The following CXCL9 variants were observed in gnomAD, a reference collection of about 807,000 sequenced individuals.
CXCL9 encodes the protein C-X-C motif chemokine ligand 9.
In CXCL9, 8 loss-of-function variants were observed where a neutral mutation model predicts 11.7. The ratio of observed to expected loss-of-function variants is 0.68; its 90% CI spans 0.40 to 1.23. The LOEUF (loss-of-function observed/expected upper bound fraction) is 1.23, where lower values mean the gene tolerates loss of function less well. Among genes scored for constraint, CXCL9 ranks in the 50% most tolerant of loss-of-function variants. CXCL9 has a pLI of 0.01. For missense variants in CXCL9, 133 were observed against 141.7 expected (o/e 0.94, Z 0.31); for synonymous variants, 43 against 48.2 (o/e 0.89, Z 0.45).
chr4:76,003,681 G>T lies in CXCL9; in HGVS notation c.295C>A (p.Gln99Lys), dbSNP rs1225432426. 1.2e-6 allele frequency: 2 copies of T among 1,608,848 alleles called. No homozygotes were observed. Among genetic ancestry groups the T allele is most frequent in the African/African-American group, 1.3e-5 (1 of 74,806 alleles). Residue 99 changes from glutamine to lysine, a missense_variant, in exon 4 of 4, where the codon CAA becomes AAA. Transcript: ENST00000264888. The stretch of plus-strand genomic sequence containing the variant: ...TTTTGATGTTTTTTCCCATTCTTTT[G>T]CTTTTTCTTTTGGCTGACCTGTGAG... ...WEKQVSQKKK[Q>K]KNGKKHQKKK...
chr4:76,004,754 T>TTA, intron 3 of CXCL9, 55 bp downstream of exon 3: 1 of 1,567,760 alleles, frequency 6.4e-7, no homozygotes, highest in Non-Finnish European at 8.6e-7. Context: ...AGATTCTTTG[T>TTA]CTTCTAAAGT....
In CXCL9 at chr4:76,006,170, A is replaced by G. The variant is rs1347830978; in HGVS notation, c.169T>C (p.Ser57Pro). Residue 57 changes from serine to proline, a missense_variant, in exon 2 of 4, where the codon TCC (serine) becomes CCC (proline). By Grantham distance (74) the Ser-to-Pro change is moderately conservative. Transcript: ENST00000264888. Reference sequence around the variant, plus strand: ...TACATGATTTCAATTTTCTCGCAGGAAGGGCTTGGGGCAAATTGTTTAAGG... The same window carrying G: ...TACATGATTTCAATTTTCTCGCAGGGAGGGCTTGGGGCAAATTGTTTAAGG... ...KDLKQFAPSPSCEKIEIIATL... is the reference protein window; with the variant it reads ...KDLKQFAPSPPCEKIEIIATL... 4.3e-6 allele frequency: 7 copies of G among 1,613,486 alleles called. No individual in the cohort carries two copies. In the Admixed American group the frequency reaches 8.3e-5, roughly 19 times the overall value.
In CXCL9 at chr4:76,002,221, G is replaced by A; in HGVS notation, c.*1377C>T. The A allele has an allele frequency of 2.5e-6, 1 of 398,200 alleles. No individual in the cohort carries two copies. Among genetic ancestry groups the A allele is most frequent in the Non-Finnish European group, 4.4e-6 (1 of 225,882 alleles). The allele number at this position is 398,200 out of a possible 1,614,324, so 24.7% of individuals were successfully genotyped here. On this transcript the variant is annotated 3_prime_UTR_variant, in exon 4 of 4. Transcript: ENST00000264888. ...GGAATTTTTGTATGGTTGGGAAAAG[G>A]TTGGTCACTGGCTGATCTATAAAGT...
In CXCL9 at chr4:76,002,618, C is replaced by T; in HGVS notation, c.*980G>A. On this transcript the variant is annotated 3_prime_UTR_variant, in exon 4 of 4. Coordinates refer to ENST00000264888, the MANE Select transcript of CXCL9 (RefSeq NM_002416.3). ...GGAAATATACTGTGGCTCTTGCCCTCAAGGAGCTGACAATCTGGTTGGAGA... is the reference window on the plus strand; with the variant it reads ...GGAAATATACTGTGGCTCTTGCCCTTAAGGAGCTGACAATCTGGTTGGAGA... 1 of 356,616 alleles carries T rather than the reference C, an allele frequency of 2.8e-6. No homozygotes were observed. Among genetic ancestry groups the T allele is most frequent in the East Asian group, 4.1e-5 (1 of 24,422 alleles). 22.1% of individuals were successfully genotyped at this position (356,616 alleles called of 1,614,324 possible). A position where few individuals can be genotyped will look rare whatever the true frequency, so the allele number is the denominator to read the frequency against.
At position 76,007,366 on chromosome 4, in the gene CXCL9, C is replaced by A. The variant is rs1464448952; in HGVS notation, c.64+20G>T. ...GTGAATCACTTCTCTTACTTTACAA[C>A]CTAACTCAGAACCCCTTACCTTGCA... is the stretch of plus-strand genomic sequence containing the variant. On this transcript the variant is annotated intron_variant, in intron 1 of 3. Transcript: ENST00000264888. The A allele has an allele frequency of 1.4e-6, 2 of 1,419,610 alleles. No individual in the cohort carries two copies. Among genetic ancestry groups the A allele is most frequent in the Non-Finnish European group, 2.0e-6 (2 of 1,002,536 alleles). 87.9% of individuals were successfully genotyped at this position (1,419,610 alleles called of 1,614,324 possible).
chr4:76,006,900 C>T (rs888113428), intron 1 of CXCL9, among the ~76,000 whole-genome samples: 7 of 152,140 alleles, frequency 4.6e-5, no homozygotes, highest in Admixed American at 3.9e-4. Context: ...ATATGCCATA[C>T]ATTGTGTAGC....
Position 76,006,188 on chromosome 4 carries a change from G to A in CXCL9, c.151C>T (p.Gln51Ter), listed in dbSNP as rs761169708. Residue 51 changes from glutamine to a stop codon, truncating the protein, a stop_gained, in exon 2 of 4, where the codon CAA becomes TAA. Coordinates refer to ENST00000264888, the MANE Select transcript of CXCL9 (RefSeq NM_002416.3). LOFTEE classifies it high-confidence loss of function. ...TCGCAGGAAGGGCTTGGGGCAAATTGTTTAAGGTCTTTCAAGGATTGTAGG... is the reference window on the plus strand; with the variant it reads ...TCGCAGGAAGGGCTTGGGGCAAATTATTTAAGGTCTTTCAAGGATTGTAGG... ...IHLQSLKDLK[Q>*]FAPSPSCEKI... The A allele has an allele frequency of 2.4e-5, 38 of 1,613,628 alleles. No individual in the cohort carries two copies. Among genetic ancestry groups the A allele is most frequent in the Non-Finnish European group, 3.1e-5 (36 of 1,179,712 alleles).
chr4:76,004,591 C>G (rs1731548106), intron 3 of CXCL9, among the ~76,000 whole-genome samples: 1 of 152,114 alleles, frequency 6.6e-6, no homozygotes, highest in African/African-American at 2.4e-5. Context: ...GCTCTGTACC[C>G]CCAAGGAACA....
rs1731553700 is a variant in CXCL9, at chr4:76,004,828, A to G, written c.257T>C (p.Ile86Thr). The G allele has an allele frequency of 1.2e-6, 2 of 1,604,220 alleles. No individual in the cohort carries two copies. The highest frequency in any genetic ancestry group is 2.3e-5 in the South Asian group (2 of 88,054). Residue 86 changes from isoleucine (I) to threonine (T), a missense_variant, in exon 3 of 4, where the codon ATT (isoleucine) becomes ACT (threonine). Transcript: ENST00000264888. The part of the protein sequence containing the change: ...NPDSADVKEL[I>T]KKWEKQVSQK... ...ACCAACCTGTTTCTCCCACTTTTTA[A>G]TCAGTTCCTTCACATCTGCTGAATC...
intron 1 of CXCL9, 21 bp from the exon 2 acceptor site, chr4:76,006,295 G>T (rs759263637): frequency 6.2e-7 from 1 of 1,611,538 alleles, no homozygotes; most frequent in Non-Finnish European, 8.5e-7. Flanking sequence ...GAAAAAGATA[G>T]AACACATCAG....
At position 76,003,541 on chromosome 4, in the gene CXCL9, C is replaced by A; in HGVS notation, c.*57G>T. The stretch of plus-strand genomic sequence containing the variant: ...ATGCCATCCTCCTTTGGAATGATAG[C>A]GGTATAATTAAAATAGAACATTTTT... On this transcript the variant is annotated 3_prime_UTR_variant, in exon 4 of 4. Coordinates refer to ENST00000264888, the MANE Select transcript of CXCL9 (RefSeq NM_002416.3). 1.0e-6 allele frequency: 1 copy of A among 956,438 alleles called. No individual in the cohort carries two copies. The highest frequency in any genetic ancestry group is 1.7e-6 in the Non-Finnish European group (1 of 599,640). The allele number at this position is 956,438 out of a possible 1,614,324, so 59.2% of individuals were successfully genotyped here. A position where few individuals can be genotyped will look rare whatever the true frequency, so the allele number is the denominator to read the frequency against.
chr4:76,003,583 T>C lies in CXCL9; in HGVS notation c.*15A>G. On this transcript the variant is annotated 3_prime_UTR_variant, in exon 4 of 4. Transcript: ENST00000264888. ...AACATTTTTAACACAGAATACTTAT[T>C]GGTGAAGTGGTCTCTTATGTAGTCT... 7.2e-7 allele frequency: 1 copy of C among 1,390,838 alleles called. No homozygotes were observed. 86.2% of individuals were successfully genotyped at this position (1,390,838 alleles called of 1,614,324 possible). A position where few individuals can be genotyped will look rare whatever the true frequency, so the allele number is the denominator to read the frequency against.
intron 3 of CXCL9, among the ~76,000 whole-genome samples, chr4:76,004,173 C>T (rs373523757): frequency 3.3e-5 from 5 of 152,136 alleles, no homozygotes; most frequent in South Asian, 2.1e-4. Context: ...GGATTCCTCC[C>T]GCTTTGTCCT....
intron 2 of CXCL9, 71 bp downstream of exon 2, chr4:76,006,076 AG>A: frequency 2.1e-6 from 3 of 1,439,318 alleles, no homozygotes; most frequent in Non-Finnish European, 2.9e-6. Context: ...AAGCACTCCA[AG>A]GGTAAAACTC....
At chr4:76,006,106 T>C in intron 2 of CXCL9, 42 bp downstream of exon 2, 1 of 1,589,712 alleles carries the variant, frequency 6.3e-7, no homozygotes, top group Non-Finnish European at 8.6e-7. Context: ...TTTAATGTTC[T>C]TGCCAATATG....
At position 76,002,032 on chromosome 4, in the gene CXCL9, A is replaced by T. The variant is rs1220811780; in HGVS notation, c.*1566T>A. 2 of 327,914 alleles carry T rather than the reference A, an allele frequency of 6.1e-6. No individual in the cohort carries two copies. Among genetic ancestry groups the T allele is most frequent in the Non-Finnish European group, 5.5e-6 (1 of 182,148 alleles). 20.3% of individuals were successfully genotyped at this position (327,914 alleles called of 1,614,324 possible). Reference sequence around the variant, plus strand: ...CTTCACCGTTCCCTTTCTTCATGGGAGATGGTGTGGTAATTGATAATCACA... The same window carrying T: ...CTTCACCGTTCCCTTTCTTCATGGGTGATGGTGTGGTAATTGATAATCACA... On this transcript the variant is annotated 3_prime_UTR_variant, in exon 4 of 4. Transcript: ENST00000264888.
At chr4:76,006,592 A>G (rs1458417383) in intron 1 of CXCL9, among the ~76,000 whole-genome samples, 7 of 152,218 alleles carry the variant, frequency 4.6e-5, no homozygotes, top group Non-Finnish European at 1.0e-4. Context: ...AGACTTTCAC[A>G]ATATTTAATA....
At position 76,003,663 on chromosome 4, in the gene CXCL9, G is replaced by GT. The variant is rs1349254306; in HGVS notation, c.312dup (p.His105ThrfsTer51). 5.6e-6 allele frequency: 9 copies of GT among 1,611,900 alleles called. No homozygotes were observed. Among genetic ancestry groups the GT allele is most frequent in the Admixed American group, 5.0e-5 (3 of 59,924 alleles). ...ACTTTCAGAACTTTCTTTTTTTGAT[G>GT]TTTTTTCCCATTCTTTTGCTTTTTC... is the stretch of plus-strand genomic sequence containing the variant. On this transcript the variant is annotated frameshift_variant, in exon 4 of 4. Coordinates refer to ENST00000264888, the MANE Select transcript of CXCL9 (RefSeq NM_002416.3). LOFTEE classifies it low-confidence loss of function (END_TRUNC).
chr4:76,006,102 G>A (rs1731580375), intron 2 of CXCL9, 46 bp downstream of exon 2: 6 of 1,577,292 alleles, frequency 3.8e-6, no homozygotes, highest in Non-Finnish European at 4.4e-6. Flanking sequence ...TAAATTTAAT[G>A]TTCTTGCCAA....
Sources: gnomAD v4.1 joint callset for allele counts (sites outside exome capture counted in the v4.1 genomes callset) on GRCh38, gnomAD v4.1.1 for gene constraint, MANE v1.5 for transcripts, NCBI Gene and HGNC (gene_info 2026-07-23, HGNC 2026-07-21) for gene names.